The following MIA3 variants were observed in gnomAD, a reference collection of about 807,000 sequenced individuals.
MIA3 encodes the protein MIA SH3 domain ER export factor 3.
MIA3 carries 90 observed loss-of-function variants against 192.4 expected under a neutral mutation model. The observed-to-expected ratio is 0.47, with a 90% confidence interval of 0.39 to 0.56. The LOEUF (loss-of-function observed/expected upper bound fraction) is 0.56, where lower values mean the gene tolerates loss of function less well. Ranked by LOEUF, MIA3 falls within the 20% of genes least tolerant of loss-of-function variation. MIA3 has a pLI of 0.00. For synonymous variants in MIA3, 740 were observed against 792.8 expected (o/e 0.93, Z 1.12); for missense variants, 2,123 against 2,269.4 (o/e 0.94, Z 1.31).
chr1:222,665,197 C>CAAAAAA (rs879011032), intron 27 of MIA3, 112 bp from the exon 28 acceptor site: 12 of 385,130 alleles, frequency 3.1e-5, no homozygotes, highest in African/African-American at 1.4e-4. Context: ...ACCCTGCCGC[C>CAAAAAA]AAAAAAAAAA....
At chr1:222,620,799 A>G (rs1470946892) in intron 1 of MIA3, among the ~76,000 whole-genome samples, 3 of 152,154 alleles carry the variant, frequency 2.0e-5, no homozygotes, top group Admixed American at 2.0e-4. Context: ...GAAGCTTTTT[A>G]TGAATATGAA....
rs1052886636 is a variant in MIA3, at chr1:222,632,340, A to AT, written c.3331+21dup. The AT allele has an allele frequency of 1.2e-6, 2 of 1,604,604 alleles. No homozygotes were observed. The highest frequency in any genetic ancestry group is 1.7e-6 in the Non-Finnish European group (2 of 1,176,614). ...ACCTGGACCCAGGTAAAGCCTGCTA[A>AT]TTTTTTTCTACAAAGTGGAGAAATC... On this transcript the variant is annotated intron_variant, in intron 5 of 27. Coordinates refer to ENST00000344922, the MANE Select transcript of MIA3 (RefSeq NM_198551.4).
At chr1:222,641,988 T>C (rs749488046) in intron 6 of MIA3, 3 of 338,350 alleles carry the variant, frequency 8.9e-6, no homozygotes, top group Non-Finnish European at 1.7e-5. Flanking sequence ...ATTATAGATA[T>C]GTGCAGCAAT....
At chr1:222,645,506 G>A (rs1663096132) in intron 6 of MIA3, 48 bp from the exon 7 acceptor site, 1 of 1,522,672 alleles carries the variant, frequency 6.6e-7, no homozygotes, top group Non-Finnish European at 8.9e-7. Context: ...TTTATGGTAA[G>A]CTTCTTTAAG....
rs1433885871 is a variant in MIA3, at chr1:222,653,305, T to C, written c.4287T>C (p.Asn1429=). The change falls in exon 15 of 28, where the codon AAT becomes AAC. Residue 1429 remains asparagine (N), a synonymous_variant. Coordinates refer to ENST00000344922, the MANE Select transcript of MIA3 (RefSeq NM_198551.4). ...SESEGQNKGG[N]DSDELANGEV... ...CTGAGGGTCAAAATAAAGGTGGAAA[T>C]GATTCAGATGAATTAGCAAATGGAG... is the stretch of plus-strand genomic sequence containing the variant. 6.2e-7 allele frequency: 1 copy of C among 1,613,878 alleles called. No individual in the cohort carries two copies. Among genetic ancestry groups the C allele is most frequent in the Non-Finnish European group, 8.5e-7 (1 of 1,179,804 alleles).
chr1:222,664,984 G>GCCTAGGGCT (rs1483223150), intron 27 of MIA3: 1 of 430,768 alleles, frequency 2.3e-6, no homozygotes, highest in African/African-American at 2.0e-5. Context: ...GATCCCTTGA[G>GCCTAGGGCT]CCTAGGAGTT....
Position 222,664,101 on chromosome 1 carries a change from C to T in MIA3, c.5366C>T (p.Pro1789Leu). The change falls in exon 27 of 28, where the codon CCT (proline) becomes CTT (leucine). Residue 1789 changes from proline to leucine, a missense_variant. Transcript: ENST00000344922. ...CCACCCATTCGATATGGACCACCACCTCAGCTCTGCGGACCTTTTGGGCCT... is the reference window on the plus strand; with the variant it reads ...CCACCCATTCGATATGGACCACCACTTCAGCTCTGCGGACCTTTTGGGCCT... Reference protein sequence around the residue: ...VPPPIRYGPPPQLCGPFGPRP... With the variant: ...VPPPIRYGPPLQLCGPFGPRP... 1 of 1,614,218 alleles carries T rather than the reference C, an allele frequency of 6.2e-7. No homozygotes were observed. Among genetic ancestry groups the T allele is most frequent in the Non-Finnish European group, 8.5e-7 (1 of 1,180,032 alleles).
intron 2 of MIA3, among the ~76,000 whole-genome samples, chr1:222,624,127 G>A (rs572742191): frequency 9.2e-5 from 14 of 152,172 alleles, no homozygotes; most frequent in East Asian, 7.7e-4. Flanking sequence ...GCATAGCCTA[G>A]AAATACTGAA....
In MIA3 at chr1:222,654,787, T is replaced by A; in HGVS notation, c.4601T>A (p.Leu1534Ter). The change falls in exon 18 of 28, where the codon TTG becomes TAG. Residue 1534 changes from leucine (L) to a stop codon, truncating the protein, a stop_gained. Coordinates refer to ENST00000344922, the MANE Select transcript of MIA3 (RefSeq NM_198551.4). LOFTEE classifies it high-confidence loss of function. The part of the protein sequence containing the change: ...NELYQQKEMA[L>*]QKKLSQEEYE... ...CTCTATCAGCAGAAGGAGATGGCTT[T>A]GCAAAAGTAAGATTATCATCATTTA... is the stretch of plus-strand genomic sequence containing the variant. 1 of 1,613,514 alleles carries A rather than the reference T, an allele frequency of 6.2e-7. No individual in the cohort carries two copies.
In MIA3 at chr1:222,628,704, T is replaced by G; in HGVS notation, c.1484T>G (p.Val495Gly). ...LEDENQEGMT[V>G]HSSVHSNNLN... ...GATGAAAATCAAGAAGGCATGACTG[T>G]GCACAGTTCTGTTCACAGCAATAAC... Residue 495 changes from valine (V) to glycine (G), a missense_variant, in exon 4 of 28, where the codon GTG (valine) becomes GGG (glycine). By Grantham distance (109) the Val-to-Gly change is moderately radical (BLOSUM62 -3). Transcript: ENST00000344922. 6.2e-7 allele frequency: 1 copy of G among 1,614,162 alleles called. No individual in the cohort carries two copies. The highest frequency in any genetic ancestry group is 8.5e-7 in the Non-Finnish European group (1 of 1,180,036).
chr1:222,648,928 T>C (rs1178082706), intron 8 of MIA3, 78 bp downstream of exon 8: 1 of 923,728 alleles, frequency 1.1e-6, no homozygotes. Context: ...ATATAAGTAG[T>C]TTTAGTAACT....
At position 222,646,474 on chromosome 1, in the gene MIA3, G is replaced by A. The variant is rs577656986; in HGVS notation, c.3609+789G>A. The stretch of plus-strand genomic sequence containing the variant: ...CATGCATTAAATATCTTACATGGCC[G>A]GGCGTGGTGGCTCACACCTGTAATA... On this transcript the variant is annotated intron_variant, in intron 7 of 27. Coordinates refer to ENST00000344922, the MANE Select transcript of MIA3 (RefSeq NM_198551.4). 3.1e-4 allele frequency among the ~76,000 whole-genome samples: 47 copies of A among 150,790 alleles called. No individual in the cohort carries two copies. In the South Asian group the frequency reaches 9.5e-3, roughly 31 times the overall value.
At chr1:222,657,146 T>C (rs72740110) in intron 18 of MIA3, among the ~76,000 whole-genome samples, 4 of 152,362 alleles carry the variant, frequency 2.6e-5, no homozygotes, top group Non-Finnish European at 5.9e-5. Context: ...ACATAAAAGA[T>C]ATGAGATTAC....
At chr1:222,636,787 C>T (rs1662645380) in intron 6 of MIA3, among the ~76,000 whole-genome samples, 1 of 152,200 alleles carries the variant, frequency 6.6e-6, no homozygotes, top group South Asian at 2.1e-4. Context: ...GCTGGGATTA[C>T]AGGTGTGAGC....
chr1:222,647,847 T>A, intron 7 of MIA3: 1 of 338,732 alleles, frequency 3.0e-6, no homozygotes. Flanking sequence ...TGTTGGAATT[T>A]TCTGAATGCA....
intron 7 of MIA3, chr1:222,646,061 C>G (rs1454927496): frequency 5.8e-6 from 1 of 173,822 alleles, no homozygotes; most frequent in African/African-American, 2.4e-5. Flanking sequence ...TATGATAAGC[C>G]TTAAAAATGG....
At position 222,618,165 on chromosome 1, in the gene MIA3, C is replaced by T. The variant is rs753091918; in HGVS notation, c.55C>T (p.Arg19Trp). 2 of 1,505,642 alleles carry T rather than the reference C, an allele frequency of 1.3e-6. No homozygotes were observed. The highest frequency in any genetic ancestry group is 2.8e-5 in the East Asian group (1 of 35,700). The allele number at this position is 1,505,642 out of a possible 1,614,324, so 93.3% of individuals were successfully genotyped here. A position where few individuals can be genotyped will look rare whatever the true frequency, so the allele number is the denominator to read the frequency against. The change falls in exon 1 of 28, where the codon CGG (arginine) becomes TGG (tryptophan). Residue 19 changes from arginine (R) to tryptophan (W), a missense_variant. By Grantham distance (101) the Arg-to-Trp change is moderately radical. Coordinates refer to ENST00000344922, the MANE Select transcript of MIA3 (RefSeq NM_198551.4). Reference sequence around the variant, plus strand: ...GCTGCTCGTGCTCCGGCTGCCCTGGCGGGTGCCGGGCCAGCTGGACCCCAG... The same window carrying T: ...GCTGCTCGTGCTCCGGCTGCCCTGGTGGGTGCCGGGCCAGCTGGACCCCAG... ...VWLLVLRLPW[R>W]VPGQLDPSTG...
At chr1:222,641,385 C>G (rs1662845698) in intron 6 of MIA3, 1 of 405,534 alleles carries the variant, frequency 2.5e-6, no homozygotes, top group African/African-American at 2.1e-5. Context: ...CAAGGGGTAT[C>G]CCTCTGCCCC....
intron 4 of MIA3, among the ~76,000 whole-genome samples, chr1:222,631,488 G>A (rs561114798): frequency 5.9e-5 from 9 of 152,276 alleles, no homozygotes; most frequent in East Asian, 1.9e-4. Flanking sequence ...ACAGGAAAAC[G>A]TATTACTCCA....
Sources: allele counts gnomAD v4.1 joint callset (sites outside exome capture counted in the v4.1 genomes callset), GRCh38; gene constraint gnomAD v4.1.1; transcripts MANE v1.5; gene names NCBI Gene and HGNC (gene_info 2026-07-23, HGNC 2026-07-21).